The following PAX7 variants were observed in gnomAD, a reference collection of about 807,000 sequenced individuals.
PAX7 encodes paired box protein Pax-7.
In PAX7, 18 loss-of-function variants were observed where a neutral mutation model predicts 50.7. That is an observed-to-expected ratio of 0.36 (90% CI 0.25 to 0.53). PAX7 has a LOEUF of 0.53. Among genes scored for constraint, PAX7 ranks in the 20% least tolerant of loss-of-function variants. The pLI, the probability that PAX7 is intolerant of heterozygous loss-of-function variation, is 0.93. For missense variants in PAX7, 644 were observed against 702.9 expected, an observed-to-expected ratio of 0.92 and a Z score of 0.95; for synonymous variants, 310 against 290.4, an observed-to-expected ratio of 1.07 and a Z score of -0.69.
At chr1:18,691,410 G>A (rs2089068088) in intron 4 of PAX7, among the ~76,000 whole-genome samples, 1 of 152,180 alleles carries the variant, frequency 6.6e-6, no homozygotes, top group Non-Finnish European at 1.5e-5. Context: ...TGAGTCTTAT[G>A]TCATGGACAT....
chr1:18,673,149 C>G (rs918138246), intron 4 of PAX7, among the ~76,000 whole-genome samples: 1 of 152,168 alleles, frequency 6.6e-6, no homozygotes, highest in Non-Finnish European at 1.5e-5. Flanking sequence ...CCACATATAG[C>G]TGTGTGACCT....
chr1:18,724,479 C>T (rs550759396), intron 7 of PAX7, among the ~76,000 whole-genome samples: 30 of 152,334 alleles, frequency 2.0e-4, no homozygotes, highest in East Asian at 3.9e-4. Flanking sequence ...AAAACCAATC[C>T]GTAACTTCGA....
intron 7 of PAX7, among the ~76,000 whole-genome samples, chr1:18,729,790 G>A (rs2089622527): frequency 6.6e-6 from 1 of 152,230 alleles, no homozygotes; most frequent in Middle Eastern, 3.4e-3. Context: ...CCAGAGTGGG[G>A]TGCAACTTGT....
At chr1:18,704,619 C>A (rs2089261234) in intron 7 of PAX7, among the ~76,000 whole-genome samples, 3 of 151,152 alleles carry the variant, frequency 2.0e-5, no homozygotes, top group Non-Finnish European at 4.4e-5. Context: ...GACTCCATCT[C>A]AAAAAGATAA....
chr1:18,631,462 G>A lies in PAX7; in HGVS notation c.-142G>A, dbSNP rs1039247273. On this transcript the variant is annotated 5_prime_UTR_variant, in exon 1 of 9. Transcript: ENST00000420770. Reference sequence around the variant, plus strand: ...AGCCAGGGGTGGGGGGTGGGGGTAGGGAGTGTGTGTGGAGGGGAGGGAGAA... The same window carrying A: ...AGCCAGGGGTGGGGGGTGGGGGTAGAGAGTGTGTGTGGAGGGGAGGGAGAA... 1.6e-5 allele frequency: 11 copies of A among 706,802 alleles called. No homozygotes were observed. The African/African-American group carries it at 2.0e-4, about 13-fold the overall frequency. The allele number at this position is 706,802 out of a possible 1,614,324, so 43.8% of individuals were successfully genotyped here. A position where few individuals can be genotyped will look rare whatever the true frequency, so the allele number is the denominator to read the frequency against.
intron 7 of PAX7, among the ~76,000 whole-genome samples, chr1:18,728,903 CA>C (rs1421606569): frequency 1.3e-5 from 2 of 151,828 alleles, no homozygotes; most frequent in East Asian, 3.9e-4. Context: ...CCCAGACCCC[CA>C]AGTGATTCCA....
At chr1:18,661,284 G>A (rs751605582) in intron 4 of PAX7, among the ~76,000 whole-genome samples, 10 of 152,124 alleles carry the variant, frequency 6.6e-5, no homozygotes, top group Non-Finnish European at 1.0e-4. Flanking sequence ...GGAGAGTCCC[G>A]CTTTGGGGTC....
At chr1:18,717,263 C>T (rs947412127) in intron 7 of PAX7, among the ~76,000 whole-genome samples, 2 of 152,192 alleles carry the variant, frequency 1.3e-5, no homozygotes, top group Non-Finnish European at 2.9e-5. Context: ...AGCCGCCGCT[C>T]GCTCGTCCAG....
At chr1:18,731,586 A>G (rs2089647806) in intron 7 of PAX7, among the ~76,000 whole-genome samples, 1 of 151,958 alleles carries the variant, frequency 6.6e-6, no homozygotes, top group Admixed American at 6.5e-5. Context: ...GGTCTTCATC[A>G]GTGAGTGTTC....
chr1:18,655,105 T>G (rs2088493832), intron 4 of PAX7, among the ~76,000 whole-genome samples: 1 of 152,226 alleles, frequency 6.6e-6, no homozygotes, highest in Non-Finnish European at 1.5e-5. Flanking sequence ...CTGGAGCTAG[T>G]CAGGTTTCAC....
chr1:18,636,490 T>G lies in PAX7; in HGVS notation c.586+119T>G. 7 of 1,292,278 alleles carry G rather than the reference T, an allele frequency of 5.4e-6. No individual in the cohort carries two copies. The highest frequency in any genetic ancestry group is 7.5e-6 in the Non-Finnish European group (7 of 933,198). The allele number at this position is 1,292,278 out of a possible 1,614,324, so 80.1% of individuals were successfully genotyped here. On this transcript the variant is annotated intron_variant, in intron 4 of 8. Transcript: ENST00000420770. The surrounding 1 kb of genome is among the most constrained non-coding windows in gnomAD (Gnocchi z 5.1). ...GACCAGAACTCCAGCGGAGAAACTC[T>G]CATGCTGCGGGGCAGCTGGGAGCCG...
At chr1:18,694,032 C>T (rs1453219381) in intron 5 of PAX7, among the ~76,000 whole-genome samples, 1 of 152,190 alleles carries the variant, frequency 6.6e-6, no homozygotes, top group Non-Finnish European at 1.5e-5. Flanking sequence ...CTGGGCTTCC[C>T]CAGTGCATGG....
intron 4 of PAX7, among the ~76,000 whole-genome samples, chr1:18,664,394 G>A (rs755766395): frequency 2.0e-5 from 3 of 152,192 alleles, no homozygotes; most frequent in Non-Finnish European, 2.9e-5. Flanking sequence ...CGGGGAGGCC[G>A]GGAGGCGTAA....
intron 8 of PAX7, among the ~76,000 whole-genome samples, chr1:18,743,208 C>T (rs886833002): frequency 4.6e-5 from 7 of 152,386 alleles, no homozygotes; most frequent in South Asian, 2.1e-4. Flanking sequence ...GCTGCTGTTA[C>T]GATCCCCATT....
chr1:18,635,536 A>C (rs905387572), intron 3 of PAX7, among the ~76,000 whole-genome samples: 8 of 151,556 alleles, frequency 5.3e-5, no homozygotes, highest in Non-Finnish European at 1.0e-4. Flanking sequence ...GAAAGAAGGA[A>C]GGAAGGAAGG....
chr1:18,679,880 G>GTGTT (rs1557525945), intron 4 of PAX7, among the ~76,000 whole-genome samples: 4 of 152,218 alleles, frequency 2.6e-5, no homozygotes, highest in Admixed American at 2.0e-4. Flanking sequence ...CCAGGCAACT[G>GTGTT]TGCTTGCCTC....
intron 4 of PAX7, among the ~76,000 whole-genome samples, chr1:18,660,044 G>A (rs535297471): frequency 2.3e-4 from 35 of 152,302 alleles, no homozygotes; most frequent in African/African-American, 8.2e-4. Flanking sequence ...GTCGGAATTC[G>A]TCCACGTTTG....
At chr1:18,705,132 C>T (rs926946434) in intron 7 of PAX7, among the ~76,000 whole-genome samples, 1 of 152,206 alleles carries the variant, frequency 6.6e-6, no homozygotes, top group Non-Finnish European at 1.5e-5. Context: ...CCAGGCCACC[C>T]CACTCTCTTG....
chr1:18,740,197 C>T (rs76518875), intron 8 of PAX7, among the ~76,000 whole-genome samples: 3,645 of 152,276 alleles, frequency 0.024, 134 homozygotes, highest in African/African-American at 0.077. Context: ...CTGCCCTCGC[C>T]GGCCCCTCGG....
Sources: gnomAD v4.1 joint callset for allele counts (sites outside exome capture counted in the v4.1 genomes callset) on GRCh38, gnomAD v4.1.1 for gene constraint, Gnocchi (gnomAD v3.1) non-coding constraint, MANE v1.5 for transcripts, NCBI Gene and HGNC (gene_info 2026-07-23, HGNC 2026-07-21) for gene names.